ZNF283: variants seen among roughly 807,000 people sequenced by gnomAD.
The protein encoded by ZNF283 is zinc finger protein 283, also known as zinc finger protein 41.
ZNF283 carries 10 observed loss-of-function variants against 9.2 expected under a neutral mutation model. The observed-to-expected ratio is 1.09, with a 90% confidence interval of 0.67 to 1.85. The LOEUF is 1.85. ZNF283 is among the 40% of genes most tolerant of loss of function. The probability of loss-of-function intolerance (pLI) is 0.00; values close to 1 mark genes in which losing one functional copy is unlikely to be tolerated. For missense variants in ZNF283, 631 were observed against 760.1 expected, an observed-to-expected ratio of 0.83 and a Z score of 2.00; for synonymous variants, 234 against 244.1, an observed-to-expected ratio of 0.96 and a Z score of 0.38.
At chr19:43,839,970 T>A (rs73052655) in intron 6 of ZNF283, among the ~76,000 whole-genome samples, 27,230 of 152,116 alleles carry the variant, frequency 0.18, 2,520 homozygotes, top group Non-Finnish European at 0.21. Flanking sequence ...CCTGTTTCAC[T>A]GTATGCTTTG....
chr19:43,830,982 G>A (rs1228949305), intron 2 of ZNF283, among the ~76,000 whole-genome samples: 4 of 150,974 alleles, frequency 2.6e-5, no homozygotes, highest in South Asian at 2.1e-4. Context: ...GTCTAGTGAT[G>A]GAATGATATG....
In ZNF283 at chr19:43,848,666, G is replaced by T. The variant is rs752922566; in HGVS notation, c.*25G>T. On this transcript the variant is annotated 3_prime_UTR_variant, in exon 7 of 7. Transcript: ENST00000618787. ...ATTGAAAGTTGTAAAAGAATATTTT[G>T]TGTGTGTGTATAGACAACTTATCAT... 1 of 1,521,402 alleles carries T rather than the reference G, an allele frequency of 6.6e-7. No homozygotes were observed. The highest frequency in any genetic ancestry group is 8.8e-7 in the Non-Finnish European group (1 of 1,134,462). The allele number at this position is 1,521,402 out of a possible 1,614,324, so 94.2% of individuals were successfully genotyped here. A position where few individuals can be genotyped will look rare whatever the true frequency, so the allele number is the denominator to read the frequency against.
At chr19:43,828,420 A>G (rs1568411555) in intron 2 of ZNF283, 139 bp downstream of exon 2, 1 of 152,128 alleles carries the variant, frequency 6.6e-6, no homozygotes, top group Non-Finnish European at 1.5e-5. Context: ...ATGCTGGTAC[A>G]TATTTCCTCC....
intron 5 of ZNF283, among the ~76,000 whole-genome samples, chr19:43,836,223 C>G (rs971630307): frequency 6.6e-6 from 1 of 152,076 alleles, no homozygotes; most frequent in Non-Finnish European, 1.5e-5. Flanking sequence ...AGAAAAAATG[C>G]TTATGATGTA....
intron 3 of ZNF283, among the ~76,000 whole-genome samples, chr19:43,831,869 T>C (rs1970723465): frequency 6.6e-6 from 1 of 152,198 alleles, no homozygotes; most frequent in South Asian, 2.1e-4. Context: ...GCTCAAGCAA[T>C]CCGCCTCCTT....
intron 6 of ZNF283, among the ~76,000 whole-genome samples, chr19:43,843,301 A>G (rs922005683): frequency 2.0e-5 from 3 of 152,224 alleles, no homozygotes; most frequent in Non-Finnish European, 2.9e-5. Context: ...AGATCGTGCC[A>G]CTGCATTCCA....
At chr19:43,839,945 CG>C (rs1971132945) in intron 6 of ZNF283, among the ~76,000 whole-genome samples, 1 of 151,900 alleles carries the variant, frequency 6.6e-6, no homozygotes, top group South Asian at 2.1e-4. Flanking sequence ...TTCCTTTGAA[CG>C]GGCCCCATAT....
chr19:43,828,619 C>T (rs765288994), intron 2 of ZNF283, among the ~76,000 whole-genome samples: 1 of 152,116 alleles, frequency 6.6e-6, no homozygotes, highest in Non-Finnish European at 1.5e-5. Flanking sequence ...GTTATATAAA[C>T]ATTATTTTTT....
At chr19:43,838,355 G>T (rs920727310) in intron 6 of ZNF283, among the ~76,000 whole-genome samples, 9 of 152,192 alleles carry the variant, frequency 5.9e-5, no homozygotes, top group Admixed American at 1.3e-4. Context: ...GGGCACAGTG[G>T]TGGCTCACAC....
intron 2 of ZNF283, among the ~76,000 whole-genome samples, chr19:43,830,233 C>A (rs959988128): frequency 7.9e-5 from 12 of 152,064 alleles, no homozygotes; most frequent in Admixed American, 3.3e-4. Context: ...TGCCACAAAG[C>A]CTGACCAGTT....
At chr19:43,841,123 A>G (rs993064972) in intron 6 of ZNF283, 1 of 152,134 alleles carries the variant, frequency 6.6e-6, no homozygotes, top group African/African-American at 2.4e-5. Flanking sequence ...CACTATTGAT[A>G]TGGTTAGATT....
intron 6 of ZNF283, among the ~76,000 whole-genome samples, chr19:43,839,986 T>C (rs1245437978): frequency 6.6e-6 from 1 of 152,164 alleles, no homozygotes; most frequent in Admixed American, 6.5e-5. Context: ...CTTTGTAATT[T>C]TTTTTGTTAA....
chr19:43,830,259 A>T lies in ZNF283; in HGVS notation c.-64-1059A>T, dbSNP rs560794585. On this transcript the variant is annotated intron_variant, in intron 2 of 6. Coordinates refer to ENST00000618787, the MANE Select transcript of ZNF283 (RefSeq NM_181845.2). Reference sequence around the variant, plus strand: ...CTGACCAGTTTTTGTTGTATTTTTTATAGAGAGGGGGTTTTGCTATGTTGC... The same window carrying T: ...CTGACCAGTTTTTGTTGTATTTTTTTTAGAGAGGGGGTTTTGCTATGTTGC... Among the ~76,000 whole-genome samples the T allele has an allele frequency of 4.6e-5, 7 of 151,926 alleles. No homozygotes were observed. In the East Asian group the frequency reaches 1.4e-3, roughly 30 times the overall value.
At chr19:43,836,599 C>T (rs1381926030) in intron 5 of ZNF283, among the ~76,000 whole-genome samples, 1 of 152,208 alleles carries the variant, frequency 6.6e-6, no homozygotes, top group East Asian at 1.9e-4. Flanking sequence ...CCTCAGCCTC[C>T]CAAAGTGCTT....
intron 6 of ZNF283, among the ~76,000 whole-genome samples, chr19:43,839,054 G>A (rs1971094530): frequency 6.6e-6 from 1 of 151,998 alleles, no homozygotes. Flanking sequence ...TTCTCCTTAT[G>A]GCTTCTAATT....
intron 6 of ZNF283, among the ~76,000 whole-genome samples, chr19:43,842,595 G>T (rs1006349535): frequency 8.5e-5 from 13 of 152,330 alleles, no homozygotes; most frequent in African/African-American, 2.9e-4. Flanking sequence ...TCTTACTCTA[G>T]GTAGGGCAGT....
At chr19:43,843,863 A>G (rs1971308286) in intron 6 of ZNF283, among the ~76,000 whole-genome samples, 1 of 152,188 alleles carries the variant, frequency 6.6e-6, no homozygotes, top group African/African-American at 2.4e-5. Context: ...GTCAAAGAAA[A>G]ATATCCACAG....
In ZNF283 at chr19:43,849,876, C is replaced by T. The variant is rs1352730611; in HGVS notation, c.*1235C>T. The T allele has an allele frequency of 6.6e-6, 1 of 152,018 alleles. No homozygotes were observed. Among genetic ancestry groups the T allele is most frequent in the African/African-American group, 2.4e-5 (1 of 41,394 alleles). 9.4% of individuals were successfully genotyped at this position (152,018 alleles called of 1,614,324 possible). A position where few individuals can be genotyped will look rare whatever the true frequency, so the allele number is the denominator to read the frequency against. On this transcript the variant is annotated 3_prime_UTR_variant, in exon 7 of 7. Coordinates refer to ENST00000618787, the MANE Select transcript of ZNF283 (RefSeq NM_181845.2). The stretch of plus-strand genomic sequence containing the variant: ...ACATATTAGCTATTGTTCATATTGT[C>T]TTTATTATTAGTATTACTACTGGTG...
intron 2 of ZNF283, among the ~76,000 whole-genome samples, 189 bp downstream of exon 2, chr19:43,828,470 C>T (rs574208834): frequency 3.9e-5 from 6 of 152,122 alleles, no homozygotes; most frequent in African/African-American, 7.2e-5. Context: ...TTCTTACCCA[C>T]CTGTTCATAT....
Sources: allele counts gnomAD v4.1 joint callset (sites outside exome capture counted in the v4.1 genomes callset), GRCh38; gene constraint gnomAD v4.1.1; transcripts MANE v1.5; gene names NCBI Gene and HGNC (gene_info 2026-07-23, HGNC 2026-07-21).